RCOR1: variants seen among roughly 807,000 people sequenced by gnomAD.
The protein encoded by RCOR1 is REST corepressor.
In RCOR1, 12 loss-of-function variants were observed where a neutral mutation model predicts 64.0. That is an observed-to-expected ratio of 0.19 (90% CI 0.12 to 0.30). The LOEUF (loss-of-function observed/expected upper bound fraction) is 0.30. Among genes scored for constraint, RCOR1 ranks in the 10% least tolerant of loss-of-function variants. RCOR1 has a pLI of 1.00. For synonymous variants in RCOR1, 279 were observed against 227.2 expected, an observed-to-expected ratio of 1.23 and a Z score of -2.05; for missense variants, 502 against 621.2, an observed-to-expected ratio of 0.81 and a Z score of 2.04.
At chr14:102,600,298 A>G (rs1427308073) in intron 2 of RCOR1, among the ~76,000 whole-genome samples, 1 of 145,120 alleles carries the variant, frequency 6.9e-6, no homozygotes, top group Non-Finnish European at 1.5e-5. Context: ...CGTGGTCTTG[A>G]TCTCCTGACC....
intron 3 of RCOR1, among the ~76,000 whole-genome samples, chr14:102,692,108 A>G (rs1051248032): frequency 1.3e-5 from 2 of 152,164 alleles, no homozygotes; most frequent in Non-Finnish European, 2.9e-5. Flanking sequence ...ATACCAAGGA[A>G]TTTTGCTGTT....
intron 2 of RCOR1, among the ~76,000 whole-genome samples, chr14:102,650,423 A>G (rs1894563366): frequency 1.3e-5 from 2 of 152,180 alleles, no homozygotes; most frequent in South Asian, 2.1e-4. Context: ...GAGGAATCAT[A>G]GTGATCAGCA....
intron 3 of RCOR1, among the ~76,000 whole-genome samples, chr14:102,688,746 TC>T (rs1895471110): frequency 6.6e-6 from 1 of 152,198 alleles, no homozygotes; most frequent in African/African-American, 2.4e-5. Flanking sequence ...CATCATTTAC[TC>T]CACACGTTTC....
chr14:102,600,102 G>T (rs978256533), intron 2 of RCOR1, among the ~76,000 whole-genome samples: 6 of 150,866 alleles, frequency 4.0e-5, no homozygotes, highest in African/African-American at 1.5e-4. Context: ...TTTTTGAGAC[G>T]GAGTCTCGCT....
intron 2 of RCOR1, among the ~76,000 whole-genome samples, chr14:102,676,701 C>A (rs553523478): frequency 8.4e-5 from 10 of 119,674 alleles, no homozygotes; most frequent in African/African-American, 3.4e-4. Flanking sequence ...CACCTCCCTC[C>A]CGGACTGGGC....
intron 2 of RCOR1, among the ~76,000 whole-genome samples, chr14:102,594,369 A>G (rs1893201822): frequency 6.6e-6 from 1 of 152,202 alleles, no homozygotes; most frequent in African/African-American, 2.4e-5. Flanking sequence ...AGATAAACGC[A>G]TACATGTTTT....
intron 3 of RCOR1, among the ~76,000 whole-genome samples, chr14:102,697,664 A>C (rs931133141): frequency 2.0e-5 from 3 of 152,094 alleles, no homozygotes; most frequent in African/African-American, 7.2e-5. Flanking sequence ...AGTAGTTACT[A>C]CAGTAGAGTG....
intron 2 of RCOR1, among the ~76,000 whole-genome samples, chr14:102,627,904 A>T (rs1345306404): frequency 6.6e-6 from 1 of 151,460 alleles, no homozygotes; most frequent in African/African-American, 2.4e-5. Context: ...GTGTGCGTGT[A>T]TATATATATG....
chr14:102,610,099 C>T (rs953211536), intron 2 of RCOR1, among the ~76,000 whole-genome samples: 1 of 149,700 alleles, frequency 6.7e-6, no homozygotes, highest in African/African-American at 2.5e-5. Context: ...CATTGCGCTC[C>T]AGCCTGGGCA....
At chr14:102,656,190 A>G (rs1037181504) in intron 2 of RCOR1, 1 of 840,542 alleles carries the variant, frequency 1.2e-6, no homozygotes, top group Admixed American at 6.3e-5. Context: ...CCCAGACTGG[A>G]GTGCAGTGGT....
At chr14:102,677,405 G>A (rs1895204743) in intron 2 of RCOR1, among the ~76,000 whole-genome samples, 4 of 143,774 alleles carry the variant, frequency 2.8e-5, no homozygotes, top group Non-Finnish European at 6.1e-5. Flanking sequence ...CTTCCCAGAC[G>A]GGGTGGCTGC....
chr14:102,652,970 G>T (rs1214715686), intron 2 of RCOR1, among the ~76,000 whole-genome samples: 1 of 151,768 alleles, frequency 6.6e-6, no homozygotes, highest in Non-Finnish European at 1.5e-5. Context: ...GTTTCGCTTT[G>T]TCGCCAGGCT....
In RCOR1 at chr14:102,656,834, C is replaced by T. The variant is rs199959803; in HGVS notation, c.362-25061C>T. Among the ~76,000 whole-genome samples, 4 of 150,342 alleles carry T rather than the reference C, an allele frequency of 2.7e-5. No homozygotes were observed. The East Asian group carries it at 5.9e-4, about 22-fold the overall frequency. On this transcript the variant is annotated intron_variant, in intron 2 of 11. Transcript: ENST00000262241. ...TCTGTCGCCCAGGGTGTAGTGCAGT[C>T]GCGCAATCTCAGCTCACTGCAACCT...
intron 2 of RCOR1, chr14:102,651,132 C>T (rs1348528882): frequency 7.4e-6 from 7 of 947,992 alleles, no homozygotes; most frequent in African/African-American, 3.6e-5. Context: ...CCAGCTCGGT[C>T]GGGGAGACCC....
At chr14:102,630,301 G>A (rs1894083811) in intron 2 of RCOR1, among the ~76,000 whole-genome samples, 2 of 152,270 alleles carry the variant, frequency 1.3e-5, no homozygotes, top group South Asian at 2.1e-4. Context: ...TTCACCTTCC[G>A]CCATGTGTGG....
chr14:102,608,467 CTCTGTCGTCCAGGCT>C (rs2139887001), intron 2 of RCOR1, among the ~76,000 whole-genome samples: 2 of 152,154 alleles, frequency 1.3e-5, no homozygotes, highest in African/African-American at 4.8e-5. Flanking sequence ...TGGAGTCTTG[CTCTGTCGTCCAGGCT>C]GAAGGGCAGT....
chr14:102,611,690 C>T lies in RCOR1; in HGVS notation c.361+18365C>T, dbSNP rs1893638739. On this transcript the variant is annotated intron_variant, in intron 2 of 11. Transcript: ENST00000262241. ...CATTTTAGTGTAGGGCTAAGTATTT[C>T]CCACTATTGAGTCAAAATCCTTTTG... 2.0e-5 allele frequency among the ~76,000 whole-genome samples: 3 copies of T among 152,064 alleles called. No homozygotes were observed. In the South Asian group the frequency reaches 6.2e-4, roughly 32 times the overall value.
chr14:102,691,114 G>A (rs1244893590), intron 3 of RCOR1, among the ~76,000 whole-genome samples: 2 of 152,164 alleles, frequency 1.3e-5, no homozygotes, highest in East Asian at 1.9e-4. Flanking sequence ...CGAAATACAC[G>A]AACAGTCCGA....
intron 2 of RCOR1, among the ~76,000 whole-genome samples, chr14:102,663,451 A>G (rs1159809582): frequency 1.3e-5 from 2 of 152,170 alleles, no homozygotes; most frequent in Non-Finnish European, 2.9e-5. Context: ...TTTGTAAGGA[A>G]CTCTTACAAC....
Sources: allele counts gnomAD v4.1 joint callset (sites outside exome capture counted in the v4.1 genomes callset), GRCh38; gene constraint gnomAD v4.1.1; transcripts MANE v1.5; gene names NCBI Gene and HGNC (gene_info 2026-07-23, HGNC 2026-07-21).